Variants in CBFA2T3 observed in about 807,000 individuals in gnomAD.
CBFA2T3 encodes transcriptional corepressor CBFA2T3.
In CBFA2T3, 31 loss-of-function variants were observed where a neutral mutation model predicts 58.6. The ratio of observed to expected loss-of-function variants is 0.53; its 90% CI spans 0.40 to 0.71. The LOEUF (loss-of-function observed/expected upper bound fraction) is 0.71. CBFA2T3 is among the 30% of genes least tolerant of loss of function. The pLI is 0.00. For synonymous variants in CBFA2T3, 531 were observed against 421.9 expected, an observed-to-expected ratio of 1.26 and a Z score of -3.17; for missense variants, 1,076 against 963.1, an observed-to-expected ratio of 1.12 and a Z score of -1.55.
Position 88,976,918 on chromosome 16 carries a change from G to A in CBFA2T3, c.-111C>T, listed in dbSNP as rs1972878724. 2.2e-6 allele frequency: 3 copies of A among 1,349,294 alleles called. No individual in the cohort carries two copies. The highest frequency in any genetic ancestry group is 1.5e-5 in the South Asian group (1 of 67,818). 83.6% of individuals were successfully genotyped at this position (1,349,294 alleles called of 1,614,324 possible). A position where few individuals can be genotyped will look rare whatever the true frequency, so the allele number is the denominator to read the frequency against. On this transcript the variant is annotated 5_prime_UTR_variant, in exon 1 of 12. Transcript: ENST00000268679. ...GGAAAGAGGAGGGGCTGGGCCAGCT[G>A]GGGCGTCCTGGAGTTGGGCCTCTGT... is the stretch of plus-strand genomic sequence containing the variant.
At chr16:88,973,586 C>A (rs373113915) in intron 1 of CBFA2T3, among the ~76,000 whole-genome samples, 2 of 152,132 alleles carry the variant, frequency 1.3e-5, no homozygotes, top group Non-Finnish European at 2.9e-5. Flanking sequence ...CAGAATATTC[C>A]GGACCCAGAA....
At chr16:88,924,013 G>A (rs925771559) in intron 1 of CBFA2T3, among the ~76,000 whole-genome samples, 3 of 152,350 alleles carry the variant, frequency 2.0e-5, no homozygotes, top group Non-Finnish European at 2.9e-5. Flanking sequence ...ACCCAGCCAT[G>A]GTTACAGCAA....
rs374223868 is a variant in CBFA2T3 at position 88,960,751 on chromosome 16, G to GT, written c.151+15905dup. Among the ~76,000 whole-genome samples the GT allele has an allele frequency of 6.9e-3, 1,047 of 152,322 alleles. 12 individuals carry two copies. Among genetic ancestry groups the GT allele is most frequent in the African/African-American group, 0.024 (1,001 of 41,562 alleles). On this transcript the variant is annotated intron_variant, in intron 1 of 11. Coordinates refer to ENST00000268679, the MANE Select transcript of CBFA2T3 (RefSeq NM_005187.6). ...ACTGGCCTGGGCCACCCGCCTCTGG[G>GT]TTTGGTCATGTAGAAACAAACCTTG...
intron 1 of CBFA2T3, among the ~76,000 whole-genome samples, chr16:88,960,210 G>A (rs1972324620): frequency 6.6e-6 from 1 of 152,126 alleles, no homozygotes; most frequent in African/African-American, 2.4e-5. Flanking sequence ...GAATGACTCA[G>A]GCCTACACCT....
intron 8 of CBFA2T3, among the ~76,000 whole-genome samples, chr16:88,881,971 G>A (rs1040105505): frequency 3.9e-5 from 6 of 152,198 alleles, no homozygotes; most frequent in South Asian, 2.1e-4. Context: ...AAGAGGCCTC[G>A]GCACTGCTTT....
At chr16:88,925,228 G>A (rs1567611790) in intron 1 of CBFA2T3, among the ~76,000 whole-genome samples, 1 of 152,230 alleles carries the variant, frequency 6.6e-6, no homozygotes, top group Non-Finnish European at 1.5e-5. Context: ...TTGGGAAGGT[G>A]CCAGGCAGGC....
chr16:88,892,469 G>A lies in CBFA2T3; in HGVS notation c.396C>T (p.Ser132=). The A allele has an allele frequency of 6.2e-7, 1 of 1,612,772 alleles. No individual in the cohort carries two copies. Among genetic ancestry groups the A allele is most frequent in the Non-Finnish European group, 8.5e-7 (1 of 1,180,006 alleles). ...SMVCLLMNGS[S]HSPTAINGAP... is the part of the protein sequence containing the mutation. ...CACCATTGATGGCTGTTGGTGAGTG[G>A]CTGCTGCCGTTCATCACTGCAGGAG... Residue 132 remains serine (S), a synonymous_variant, in exon 4 of 12, where the codon AGC becomes AGT. Transcript: ENST00000268679.
chr16:88,911,575 T>C (rs1970533184), intron 1 of CBFA2T3, among the ~76,000 whole-genome samples: 1 of 152,226 alleles, frequency 6.6e-6, no homozygotes, highest in African/African-American at 2.4e-5. Context: ...GGCTTTTCCG[T>C]CTCCTAATCT....
intron 1 of CBFA2T3, among the ~76,000 whole-genome samples, chr16:88,962,163 G>A (rs187810247): frequency 3.1e-3 from 464 of 151,052 alleles, no homozygotes; most frequent in African/African-American, 0.011. Context: ...CATAGTAACC[G>A]ACACTCAGCG....
Position 88,898,470 on chromosome 16 carries a change from C to T in CBFA2T3, c.305-318G>A, listed in dbSNP as rs528895765. Among the ~76,000 whole-genome samples, 10 of 152,348 alleles carry T rather than the reference C, an allele frequency of 6.6e-5. 1 individual carries two copies. The highest frequency in any genetic ancestry group is 6.8e-3 in the Middle Eastern group (2 of 294). On this transcript the variant is annotated intron_variant, in intron 2 of 11. Transcript: ENST00000268679. ...CACTCCCCTCTCCGAGCCTCAGTTT[C>T]CTTCTCTGAGAGTGGGTGATCCCTA...
At chr16:88,975,468 G>C (rs1972832444) in intron 1 of CBFA2T3, among the ~76,000 whole-genome samples, 1 of 152,226 alleles carries the variant, frequency 6.6e-6, no homozygotes, top group South Asian at 2.1e-4. Context: ...GGAAGGGTCT[G>C]AACCATGAGG....
intron 1 of CBFA2T3, among the ~76,000 whole-genome samples, chr16:88,925,564 G>C (rs1361801470): frequency 6.6e-6 from 1 of 152,158 alleles, no homozygotes; most frequent in Non-Finnish European, 1.5e-5. Context: ...GGGACAGGCA[G>C]TCACTTTGCA....
At chr16:88,888,898 C>A (rs971660177) in intron 5 of CBFA2T3, among the ~76,000 whole-genome samples, 1 of 151,752 alleles carries the variant, frequency 6.6e-6, no homozygotes, top group Non-Finnish European at 1.5e-5. Flanking sequence ...GAGGTGGACA[C>A]GGCCCTCACG....
chr16:88,917,544 C>T (rs75467683), intron 1 of CBFA2T3, among the ~76,000 whole-genome samples: 1 of 152,206 alleles, frequency 6.6e-6, no homozygotes, highest in Non-Finnish European at 1.5e-5. Context: ...GGGGAGGCTA[C>T]ACCGGTTCCC....
chr16:88,892,196 G>A (rs1293364443), intron 4 of CBFA2T3, 48 bp downstream of exon 4: 1 of 1,576,774 alleles, frequency 6.3e-7, no homozygotes, highest in Non-Finnish European at 8.6e-7. Context: ...TCATTAAACG[G>A]AGGGAATATG....
chr16:88,960,499 C>T (rs920141430), intron 1 of CBFA2T3, among the ~76,000 whole-genome samples: 1 of 152,216 alleles, frequency 6.6e-6, no homozygotes, highest in African/African-American at 2.4e-5. Context: ...TGTCATGGGG[C>T]ATAAACAGAA....
At chr16:88,920,124 C>T (rs868197519) in intron 1 of CBFA2T3, among the ~76,000 whole-genome samples, 9 of 152,144 alleles carry the variant, frequency 5.9e-5, no homozygotes, top group African/African-American at 2.2e-4. Context: ...CGAGGCCTGC[C>T]GTCCTCCCAC....
At chr16:88,898,976 A>G (rs1969998817) in intron 2 of CBFA2T3, among the ~76,000 whole-genome samples, 1 of 152,208 alleles carries the variant, frequency 6.6e-6, no homozygotes, top group Non-Finnish European at 1.5e-5. Flanking sequence ...GGGGTAATCA[A>G]GGGCAGGATA....
chr16:88,923,584 G>A (rs1970989939), intron 1 of CBFA2T3, among the ~76,000 whole-genome samples: 2 of 152,278 alleles, frequency 1.3e-5, no homozygotes, highest in Admixed American at 6.5e-5. Context: ...GGGGCAGCTG[G>A]GGAGCAGCTG....
Sources: allele counts gnomAD v4.1 joint callset (sites outside exome capture counted in the v4.1 genomes callset), GRCh38; gene constraint gnomAD v4.1.1; transcripts MANE v1.5; gene names NCBI Gene and HGNC (gene_info 2026-07-23, HGNC 2026-07-21).